The following PPP4R3B variants were observed in gnomAD, a reference collection of about 807,000 sequenced individuals.
PPP4R3B encodes serine/threonine-protein phosphatase 4 regulatory subunit 3B.
Under a neutral mutation model 95.4 loss-of-function variants are expected in PPP4R3B, and 52 were observed. That is an observed-to-expected ratio of 0.54 (90% CI 0.44 to 0.69). The LOEUF (loss-of-function observed/expected upper bound fraction) is 0.69, where lower values mean the gene tolerates loss of function less well. PPP4R3B is among the 30% of genes least tolerant of loss of function. The probability of loss-of-function intolerance (pLI) is 0.00; values close to 1 mark genes in which losing one functional copy is unlikely to be tolerated. For synonymous variants in PPP4R3B, 407 were observed against 343.9 expected (o/e 1.18, Z -2.03); for missense variants, 1,003 against 1,005.9 (o/e 1.00, Z 0.04).
Position 55,596,346 on chromosome 2 carries a change from G to GA in PPP4R3B, c.921+2069dup, listed in dbSNP as rs5831372. Among the ~76,000 whole-genome samples, 560 of 151,650 alleles carry GA rather than the reference G, an allele frequency of 3.7e-3. 8 individuals are homozygous for GA. The East Asian group carries it at 0.044, about 12-fold the overall frequency. On this transcript the variant is annotated intron_variant, in intron 4 of 16. Coordinates refer to ENST00000616407, the MANE Select transcript of PPP4R3B (RefSeq NM_001122964.3). ...TTGAATCATCAGATTCGTCTATTTC[G>GA]AAAAAAAAAATCAGATTCAACAAAC...
At chr2:55,579,123 A>G (rs1689094921) in intron 9 of PPP4R3B, among the ~76,000 whole-genome samples, 1 of 152,130 alleles carries the variant, frequency 6.6e-6, no homozygotes, top group African/African-American at 2.4e-5. Context: ...TTTTCACTCC[A>G]TTTTAATAAA....
chr2:55,550,964 G>C (rs1011636339), intron 16 of PPP4R3B, among the ~76,000 whole-genome samples: 1 of 152,180 alleles, frequency 6.6e-6, no homozygotes, highest in African/African-American at 2.4e-5. Flanking sequence ...GTCTGGATAT[G>C]CAAGAAGCAA....
At chr2:55,583,239 G>A (rs1689661758) in intron 7 of PPP4R3B, among the ~76,000 whole-genome samples, 3 of 151,972 alleles carry the variant, frequency 2.0e-5, no homozygotes, top group South Asian at 2.1e-4. Flanking sequence ...ACTTAATTTG[G>A]ATTTTTTTTG....
chr2:55,559,525 G>C (rs1323493680), intron 15 of PPP4R3B, among the ~76,000 whole-genome samples: 1 of 152,158 alleles, frequency 6.6e-6, no homozygotes, highest in Non-Finnish European at 1.5e-5. Context: ...GGTGAGAGGT[G>C]ACTGGATCAT....
intron 1 of PPP4R3B, among the ~76,000 whole-genome samples, chr2:55,615,878 A>AAAAAAAAAAAAAAAAAAAAAAAAAAC (rs1380009176): frequency 7.1e-6 from 1 of 141,442 alleles, no homozygotes; most frequent in African/African-American, 2.6e-5. Context: ...AAAAAAAAAA[A>AAAAAAAAAAAAAAAAAAAAAAAAAAC]AAAATACACA....
chr2:55,559,199 A>G (rs1361693462), intron 15 of PPP4R3B, among the ~76,000 whole-genome samples: 2 of 151,982 alleles, frequency 1.3e-5, no homozygotes, highest in Non-Finnish European at 1.5e-5. Flanking sequence ...ATACAAAATT[A>G]GCCGGGTGTG....
chr2:55,552,390 A>G (rs899851633), intron 16 of PPP4R3B, among the ~76,000 whole-genome samples: 4 of 152,086 alleles, frequency 2.6e-5, no homozygotes, highest in Non-Finnish European at 5.9e-5. Context: ...CTTGCATTCC[A>G]TGGTATGAAT....
At chr2:55,604,767 C>G (rs1316189985) in intron 2 of PPP4R3B, among the ~76,000 whole-genome samples, 1 of 151,460 alleles carries the variant, frequency 6.6e-6, no homozygotes. Context: ...GTATTAGAAA[C>G]CAAGGTTTGG....
At chr2:55,579,038 G>T (rs1689083096) in intron 9 of PPP4R3B, among the ~76,000 whole-genome samples, 1 of 151,982 alleles carries the variant, frequency 6.6e-6, no homozygotes, top group African/African-American at 2.4e-5. Context: ...TTAGATACAT[G>T]CAACTATAAT....
rs558897062 is a variant in PPP4R3B, at chr2:55,612,945, C to CA, written c.198+2505dup. ...TGGACGACAGAGCGAGACTCCATCT[C>CA]AAAAAAAAAAAAAAAATTAGTCAAG... On this transcript the variant is annotated intron_variant, in intron 2 of 16. Coordinates refer to ENST00000616407, the MANE Select transcript of PPP4R3B (RefSeq NM_001122964.3). Among the ~76,000 whole-genome samples the CA allele has an allele frequency of 8.1e-3, 976 of 120,990 alleles. 4 individuals are homozygous for CA. The highest frequency in any genetic ancestry group is 0.041 in the Middle Eastern group (9 of 220). 79.4% of individuals were successfully genotyped at this position (120,990 alleles called of 152,430 possible).
rs13410676 is a variant in PPP4R3B, at chr2:55,596,080, A to T, written c.921+2336T>A. ...GGAGACAGAATAAAATCACCTTCAT[A>T]TAGCAAATAGCCACATACTCGTATA... On this transcript the variant is annotated intron_variant, in intron 4 of 16. Coordinates refer to ENST00000616407, the MANE Select transcript of PPP4R3B (RefSeq NM_001122964.3). Among the ~76,000 whole-genome samples, 101 of 152,312 alleles carry T rather than the reference A, an allele frequency of 6.6e-4. 1 individual carries two copies. The highest frequency in any genetic ancestry group is 2.3e-3 in the African/African-American group (95 of 41,572).
chr2:55,604,121 G>C (rs780457334), intron 2 of PPP4R3B, 45 bp from the exon 3 acceptor site: 1 of 1,453,460 alleles, frequency 6.9e-7, no homozygotes, highest in South Asian at 1.3e-5. Flanking sequence ...TAGAAAAGAG[G>C]TATCTACAAA....
At chr2:55,570,277 C>G (rs1234242789) in intron 12 of PPP4R3B, among the ~76,000 whole-genome samples, 1 of 152,134 alleles carries the variant, frequency 6.6e-6, no homozygotes, top group African/African-American at 2.4e-5. Flanking sequence ...TGAACCAATC[C>G]TATCTCCGTA....
rs1558964366 is a variant in PPP4R3B at position 55,568,239 on chromosome 2, A to T, written c.1890T>A (p.Asn630Lys). The part of the protein sequence containing the change: ...NALLDNGTRY[N>K]LLNSAVIELF... ...ACTCAATAACAGCTGAATTCAACAGATTATACCGAGTTCCATTATCCAGAA... is the reference window on the plus strand; with the variant it reads ...ACTCAATAACAGCTGAATTCAACAGTTTATACCGAGTTCCATTATCCAGAA... The change falls in exon 13 of 17, where the codon AAT (asparagine) becomes AAA (lysine). Residue 630 changes from asparagine to lysine, a missense_variant. Asn to Lys is a moderately conservative substitution (Grantham distance 94). This residue lies in a region of PPP4R3B where 79 missense variants were observed against 124.9 expected (regional missense o/e 0.63). Transcript: ENST00000616407. The T allele has an allele frequency of 6.2e-7, 1 of 1,603,008 alleles. No homozygotes were observed. The highest frequency in any genetic ancestry group is 8.5e-7 in the Non-Finnish European group (1 of 1,174,846).
At chr2:55,558,001 C>T (rs982485033) in intron 16 of PPP4R3B, among the ~76,000 whole-genome samples, 1 of 152,030 alleles carries the variant, frequency 6.6e-6, no homozygotes, top group Non-Finnish European at 1.5e-5. Context: ...ATTCAAAAGG[C>T]TAATATTTAG....
intron 6 of PPP4R3B, among the ~76,000 whole-genome samples, chr2:55,585,603 G>A (rs937460340): frequency 6.6e-6 from 1 of 152,090 alleles, no homozygotes; most frequent in South Asian, 2.1e-4. Context: ...TCTATTTCCT[G>A]TGACTCACCT....
chr2:55,594,302 T>TAAAAA (rs35730010), intron 4 of PPP4R3B, among the ~76,000 whole-genome samples: 7 of 123,506 alleles, frequency 5.7e-5, no homozygotes, highest in African/African-American at 9.4e-5. Flanking sequence ...GAATCTAAAA[T>TAAAAA]AAAAAAAAAA....
intron 11 of PPP4R3B, among the ~76,000 whole-genome samples, chr2:55,576,833 C>A (rs1290891396): frequency 6.6e-6 from 1 of 152,242 alleles, no homozygotes; most frequent in Non-Finnish European, 1.5e-5. Flanking sequence ...TTATTTGAAA[C>A]TGGCTCCCCT....
At chr2:55,614,747 T>C (rs1381073384) in intron 2 of PPP4R3B, 1 of 152,210 alleles carries the variant, frequency 6.6e-6, no homozygotes, top group African/African-American at 2.4e-5. Flanking sequence ...ACATTAACAT[T>C]GTTAAATCTG....
Sources: allele counts gnomAD v4.1 joint callset (sites outside exome capture counted in the v4.1 genomes callset), GRCh38; gene constraint gnomAD v4.1.1; regional missense constraint gnomAD v4.1.1; transcripts MANE v1.5; gene names NCBI Gene and HGNC (gene_info 2026-07-23, HGNC 2026-07-21).